The following APBA1 variants were observed in gnomAD, a reference collection of about 807,000 sequenced individuals.
APBA1 encodes the protein amyloid-beta A4 precursor protein-binding family A member 1.
Under a neutral mutation model 86.6 loss-of-function variants are expected in APBA1, and 55 were observed. That is an observed-to-expected ratio of 0.64 (90% CI 0.51 to 0.80). The LOEUF is 0.80. Among genes scored for constraint, APBA1 ranks in the 30% least tolerant of loss-of-function variants. The pLI, the probability that APBA1 is intolerant of heterozygous loss-of-function variation, is 0.00. For synonymous variants in APBA1, 511 were observed against 493.9 expected (o/e 1.03, Z -0.46); for missense variants, 1,090 against 1,183.0 (o/e 0.92, Z 1.15).
chr9:69,613,042 G>A (rs536083264), intron 1 of APBA1, among the ~76,000 whole-genome samples: 1 of 152,000 alleles, frequency 6.6e-6, no homozygotes, highest in Non-Finnish European at 1.5e-5. Flanking sequence ...GCCTGTTGTC[G>A]AACATCTGTG....
chr9:69,605,287 A>G (rs575570233), intron 1 of APBA1, among the ~76,000 whole-genome samples: 1 of 152,340 alleles, frequency 6.6e-6, no homozygotes, highest in African/African-American at 2.4e-5. Context: ...AAATTATCTC[A>G]GGCCTCCCCA....
At chr9:69,460,503 C>T (rs1159657824) in intron 5 of APBA1, among the ~76,000 whole-genome samples, 6 of 152,098 alleles carry the variant, frequency 3.9e-5, no homozygotes, top group Non-Finnish European at 8.8e-5. Context: ...TTTTACTTCT[C>T]CTGAAATGAT....
intron 8 of APBA1, among the ~76,000 whole-genome samples, chr9:69,453,030 A>C (rs1457277454): frequency 3.3e-5 from 5 of 152,360 alleles, no homozygotes; most frequent in African/African-American, 9.6e-5. Context: ...ATCCAAGCTT[A>C]ATCAAGTAGG....
intron 1 of APBA1, among the ~76,000 whole-genome samples, chr9:69,623,851 T>C (rs113555615): frequency 6.6e-6 from 1 of 152,328 alleles, no homozygotes; most frequent in African/African-American, 2.4e-5. Context: ...CTTTATGACC[T>C]TGAGTAGGTC....
chr9:69,641,374 C>A (rs1248419508), intron 1 of APBA1, among the ~76,000 whole-genome samples: 1 of 152,126 alleles, frequency 6.6e-6, no homozygotes, highest in African/African-American at 2.4e-5. Flanking sequence ...AAAATCCCAG[C>A]AGACTTCTCT....
intron 8 of APBA1, among the ~76,000 whole-genome samples, chr9:69,455,114 G>A (rs1388542126): frequency 4.6e-5 from 7 of 152,160 alleles, no homozygotes; most frequent in Admixed American, 3.9e-4. Context: ...ACTTCCGAGA[G>A]GAAGGCAATT....
At chr9:69,519,167 C>G (rs555575686) in intron 1 of APBA1, among the ~76,000 whole-genome samples, 2 of 152,214 alleles carry the variant, frequency 1.3e-5, no homozygotes, top group African/African-American at 4.8e-5. Flanking sequence ...TCCCTTCAAA[C>G]CTTGATGGAT....
intron 1 of APBA1, among the ~76,000 whole-genome samples, chr9:69,549,198 C>A (rs1190259664): frequency 2.0e-5 from 3 of 152,172 alleles, no homozygotes; most frequent in Non-Finnish European, 4.4e-5. Flanking sequence ...TCTCACTTTG[C>A]AATCTCATCT....
At chr9:69,637,793 T>C (rs1347562994) in intron 1 of APBA1, among the ~76,000 whole-genome samples, 1 of 152,206 alleles carries the variant, frequency 6.6e-6, no homozygotes, top group African/African-American at 2.4e-5. Context: ...ATGACAATTA[T>C]GAAAAATAAA....
intron 1 of APBA1, among the ~76,000 whole-genome samples, chr9:69,531,401 T>G (rs1021643739): frequency 6.6e-6 from 1 of 152,180 alleles, no homozygotes; most frequent in East Asian, 1.9e-4. Flanking sequence ...TAGGACATTA[T>G]GAACCAAGTC....
intron 1 of APBA1, among the ~76,000 whole-genome samples, chr9:69,601,017 T>C (rs1397956023): frequency 2.0e-5 from 3 of 151,956 alleles, no homozygotes; most frequent in African/African-American, 7.2e-5. Flanking sequence ...AACTATCAGG[T>C]ATCCCTAGTA....
chr9:69,452,691 A>T (rs1467201991), intron 8 of APBA1, among the ~76,000 whole-genome samples: 2 of 152,178 alleles, frequency 1.3e-5, no homozygotes, highest in Non-Finnish European at 2.9e-5. Context: ...CCAGGATTCA[A>T]CTCCAATTTA....
chr9:69,463,733 G>A (rs982291782), intron 5 of APBA1: 2 of 152,126 alleles, frequency 1.3e-5, no homozygotes, highest in African/African-American at 4.8e-5. Flanking sequence ...GACAAAACGG[G>A]GGTCCCTGCA....
rs76664432 is a variant in APBA1, at chr9:69,628,124, C to A, written c.-70+44029G>T. ...CTTGCTGGCTTGATGAGGTAAGCAG[C>A]CACACAGCAAAGAGCTGTAGGTAGA... On this transcript the variant is annotated intron_variant, in intron 1 of 12. Transcript: ENST00000265381. Among the ~76,000 whole-genome samples, 377 of 152,238 alleles carry A rather than the reference C, an allele frequency of 2.5e-3. 1 individual carries two copies. The highest frequency in any genetic ancestry group is 8.5e-3 in the African/African-American group (353 of 41,528).
rs1023882240 is a variant in APBA1 at position 69,481,994 on chromosome 9, G to A, written c.1201-5851C>T. 1.9e-3 allele frequency among the ~76,000 whole-genome samples: 291 copies of A among 150,512 alleles called. 7 individuals carry two copies. The highest frequency in any genetic ancestry group is 0.019 in the Admixed American group (285 of 15,160). ...TTCAAGATGGATTAAAGACTTAAAC[G>A]TTAGACCTAAAACCATAAAAACCCT... On this transcript the variant is annotated intron_variant, in intron 2 of 12. Transcript: ENST00000265381.
At chr9:69,575,770 G>A (rs1185802623) in intron 1 of APBA1, among the ~76,000 whole-genome samples, 1 of 152,074 alleles carries the variant, frequency 6.6e-6, no homozygotes, top group Non-Finnish European at 1.5e-5. Flanking sequence ...GAAAACCTAG[G>A]CAATACCATT....
intron 1 of APBA1, among the ~76,000 whole-genome samples, chr9:69,523,647 CA>C (rs1451063660): frequency 2.0e-5 from 3 of 151,094 alleles, no homozygotes; most frequent in African/African-American, 7.3e-5. Flanking sequence ...TTCAACACCC[CA>C]CTAACAGTGT....
intron 1 of APBA1, among the ~76,000 whole-genome samples, chr9:69,571,227 C>T (rs572120565): frequency 6.6e-6 from 1 of 152,282 alleles, no homozygotes; most frequent in South Asian, 2.1e-4. Flanking sequence ...ATAAAAATAA[C>T]CACATTAGAG....
chr9:69,504,879 A>T (rs1835931010), intron 2 of APBA1, among the ~76,000 whole-genome samples: 1 of 151,972 alleles, frequency 6.6e-6, no homozygotes, highest in African/African-American at 2.4e-5. Context: ...AGCTTCATGC[A>T]TTGGAGAAGG....
Sources: allele counts gnomAD v4.1 joint callset (sites outside exome capture counted in the v4.1 genomes callset), GRCh38; gene constraint gnomAD v4.1.1; transcripts MANE v1.5; gene names NCBI Gene and HGNC (gene_info 2026-07-23, HGNC 2026-07-21).